Variants in UTS2B observed in about 807,000 individuals in gnomAD.
UTS2B encodes urotensin 2B.
Under a neutral mutation model 19.2 loss-of-function variants are expected in UTS2B, and 21 were observed. That is an observed-to-expected ratio of 1.09 (90% CI 0.78 to 1.58). The LOEUF (loss-of-function observed/expected upper bound fraction) is 1.58. UTS2B is among the 40% of genes most tolerant of loss of function. UTS2B has a pLI of 0.00. For synonymous variants in UTS2B, 57 were observed against 50.2 expected (o/e 1.14, Z -0.58); for missense variants, 138 against 130.3 (o/e 1.06, Z -0.29).
At chr3:191,341,836 G>A in the UTS2B span, among the ~76,000 whole-genome samples, 3 of 152,280 alleles carry the variant, frequency 2.0e-5, no homozygotes, top group African/African-American at 2.4e-5. Context: ...TTTTCTGGAC[G>A]TACTTTGAAA....
chr3:191,324,668 T>C (rs902484171), intron 2 of UTS2B, among the ~76,000 whole-genome samples: 2 of 152,248 alleles, frequency 1.3e-5, no homozygotes, highest in Non-Finnish European at 2.9e-5. Flanking sequence ...ATTAAACCTC[T>C]TTCCTTATAA....
upstream of UTS2B, among the ~76,000 whole-genome samples, chr3:191,335,328 T>TA (rs936072447): frequency 1.3e-5 from 2 of 152,302 alleles, no homozygotes; most frequent in Non-Finnish European, 2.9e-5. Flanking sequence ...GTTTCAGAGG[T>TA]AGCCACTGGA....
chr3:191,297,753 A>T (rs1716893470), intron 4 of UTS2B, among the ~76,000 whole-genome samples: 3 of 152,234 alleles, frequency 2.0e-5, no homozygotes, highest in Admixed American at 6.5e-5. Flanking sequence ...CCTGGCACAT[A>T]GTGTTAGTTA....
chr3:191,298,053 A>G (rs943238077), intron 4 of UTS2B, among the ~76,000 whole-genome samples: 31 of 152,344 alleles, frequency 2.0e-4, no homozygotes, highest in African/African-American at 7.2e-4. Context: ...CTCTGTGGCA[A>G]TATTTTGATG....
intron 4 of UTS2B, among the ~76,000 whole-genome samples, chr3:191,287,934 T>C (rs1576919467): frequency 1.3e-5 from 2 of 152,152 alleles, no homozygotes; most frequent in East Asian, 3.9e-4. Flanking sequence ...ACTATGTGAG[T>C]TCATTAAAGT....
intron 3 of UTS2B, among the ~76,000 whole-genome samples, chr3:191,310,648 G>A (rs745788504): frequency 6.6e-6 from 1 of 151,772 alleles, no homozygotes; most frequent in Non-Finnish European, 1.5e-5. Context: ...CCATGAAATT[G>A]TGGCAAGCTA....
chr3:191,315,335 C>A (rs1174163639), intron 3 of UTS2B, among the ~76,000 whole-genome samples: 1 of 152,150 alleles, frequency 6.6e-6, no homozygotes, highest in African/African-American at 2.4e-5. Context: ...TTAATCAAAC[C>A]CAAGGAGGGG....
At chr3:191,333,646 A>G (rs1718057553), upstream of UTS2B, among the ~76,000 whole-genome samples, 1 of 152,162 alleles carries the variant, frequency 6.6e-6, no homozygotes. Flanking sequence ...AATGTCTTTT[A>G]TGTAATCAGC....
At chr3:191,340,822 C>T in the UTS2B span, among the ~76,000 whole-genome samples, 1 of 152,068 alleles carries the variant, frequency 6.6e-6, no homozygotes, top group Non-Finnish European at 1.5e-5. Flanking sequence ...TGCCAGGAAA[C>T]ATTGCTTCAG....
At chr3:191,296,562 T>C (rs1314000510) in intron 4 of UTS2B, among the ~76,000 whole-genome samples, 2 of 152,224 alleles carry the variant, frequency 1.3e-5, no homozygotes, top group African/African-American at 4.8e-5. Context: ...CCACAATTCC[T>C]GGCCCATAAT....
chr3:191,320,242 G>A (rs1194861118), intron 2 of UTS2B, among the ~76,000 whole-genome samples: 2 of 152,198 alleles, frequency 1.3e-5, no homozygotes, highest in African/African-American at 4.8e-5. Flanking sequence ...GCAGACACTT[G>A]AATAAAATTG....
intron 3 of UTS2B, among the ~76,000 whole-genome samples, chr3:191,307,843 T>C (rs1316312653): frequency 6.6e-6 from 1 of 150,548 alleles, no homozygotes; most frequent in Non-Finnish European, 1.5e-5. Context: ...TTCTCTTTTT[T>C]TTTTTTTTTT....
the UTS2B span, among the ~76,000 whole-genome samples, chr3:191,338,282 G>A: frequency 6.6e-6 from 1 of 152,044 alleles, no homozygotes; most frequent in African/African-American, 2.4e-5. Flanking sequence ...AAAATATTAG[G>A]TTTTTCTTTT....
At chr3:191,276,639 G>T (rs140107652) in intron 7 of UTS2B, among the ~76,000 whole-genome samples, 168 bp downstream of exon 7, 1 of 152,092 alleles carries the variant, frequency 6.6e-6, no homozygotes, top group African/African-American at 2.4e-5. Context: ...TTTTGTGTTA[G>T]TATAACTTGA....
At chr3:191,321,952 G>A (rs762586731) in intron 2 of UTS2B, among the ~76,000 whole-genome samples, 28 of 152,082 alleles carry the variant, frequency 1.8e-4, no homozygotes, top group Non-Finnish European at 3.5e-4. Context: ...GCTTGAATCT[G>A]GGAGGCGGAG....
Position 191,283,243 on chromosome 3 carries a change from T to C in UTS2B, c.-124-930A>G, listed in dbSNP as rs1391746024. Among the ~76,000 whole-genome samples, 4 of 152,206 alleles carry C rather than the reference T, an allele frequency of 2.6e-5. 1 individual carries two copies. The East Asian group carries it at 7.7e-4, about 29-fold the overall frequency. The stretch of plus-strand genomic sequence containing the variant: ...CAGTTTCATTTTTCACTATATATTT[T>C]TGTGTACCAGCCACATTAGACTACT... On this transcript the variant is annotated intron_variant, in intron 4 of 8. Transcript: ENST00000340524.
intron 4 of UTS2B, among the ~76,000 whole-genome samples, chr3:191,290,192 C>T (rs1716674208): frequency 6.6e-6 from 1 of 152,180 alleles, no homozygotes; most frequent in African/African-American, 2.4e-5. Flanking sequence ...TTATCTCTCT[C>T]TCTCCTTAAT....
At chr3:191,302,299 C>A (rs1352902517) in intron 4 of UTS2B, among the ~76,000 whole-genome samples, 7 of 152,128 alleles carry the variant, frequency 4.6e-5, no homozygotes, top group Admixed American at 3.9e-4. Flanking sequence ...GGAGGAGAAA[C>A]CCTCAGTTCC....
In UTS2B at chr3:191,289,379, G is replaced by A. The variant is rs192637609; in HGVS notation, c.-124-7066C>T. 6.4e-3 allele frequency among the ~76,000 whole-genome samples: 957 copies of A among 150,040 alleles called. 13 individuals carry two copies. Among genetic ancestry groups the A allele is most frequent in the African/African-American group, 0.021 (864 of 40,716 alleles). Reference sequence around the variant, plus strand: ...AGTGGAGATTGCGCCACTGCACTCCGGCCTGGGCAACAGACCAAGACTCCA... The same window carrying A: ...AGTGGAGATTGCGCCACTGCACTCCAGCCTGGGCAACAGACCAAGACTCCA... On this transcript the variant is annotated intron_variant, in intron 4 of 8. Coordinates refer to ENST00000340524, the MANE Select transcript of UTS2B (RefSeq NM_198152.5).
Sources: allele counts gnomAD v4.1 joint callset (sites outside exome capture counted in the v4.1 genomes callset), GRCh38; gene constraint gnomAD v4.1.1; transcripts MANE v1.5; gene names NCBI Gene and HGNC (gene_info 2026-07-23, HGNC 2026-07-21).